MIPOL1: variants seen among roughly 807,000 people sequenced by gnomAD.
MIPOL1 encodes the protein mirror-image polydactyly gene 1 protein.
A neutral mutation model predicts 60.9 loss-of-function variants in MIPOL1; 57 were observed. That is an observed-to-expected ratio of 0.94 (90% confidence interval 0.76 to 1.17). The LOEUF is 1.17. MIPOL1 is among the 50% of genes most tolerant of loss of function. The probability of loss-of-function intolerance (pLI) is 0.00; values close to 1 mark genes in which losing one functional copy is unlikely to be tolerated. For synonymous variants in MIPOL1, 179 were observed against 168.8 expected (o/e 1.06, Z -0.47); for missense variants, 551 against 511.6 (o/e 1.08, Z -0.74).
chr14:37,234,398 C>T (rs1296866671), intron 1 of MIPOL1, among the ~76,000 whole-genome samples: 1 of 149,164 alleles, frequency 6.7e-6, no homozygotes, highest in Non-Finnish European at 1.5e-5. Context: ...GCTGTATTGC[C>T]CTGGCTGGCC....
intron 7 of MIPOL1, among the ~76,000 whole-genome samples, chr14:37,287,954 T>C (rs2084717102): frequency 6.6e-6 from 1 of 151,948 alleles, no homozygotes; most frequent in Non-Finnish European, 1.5e-5. Context: ...ATTGTTTCAA[T>C]TGACAAGATC....
At chr14:37,360,327 G>C (rs2092151669) in intron 9 of MIPOL1, among the ~76,000 whole-genome samples, 1 of 152,122 alleles carries the variant, frequency 6.6e-6, no homozygotes, top group Non-Finnish European at 1.5e-5. Context: ...GGGTGATGTT[G>C]CCTCATAAAA....
At chr14:37,462,622 CA>C (rs2094552904) in intron 11 of MIPOL1, among the ~76,000 whole-genome samples, 1 of 152,166 alleles carries the variant, frequency 6.6e-6, no homozygotes, top group Non-Finnish European at 1.5e-5. Context: ...GCACCCAAGT[CA>C]CCTCTGGAAT....
intron 1 of MIPOL1, among the ~76,000 whole-genome samples, chr14:37,217,685 A>C (rs1299575494): frequency 6.6e-6 from 1 of 152,232 alleles, no homozygotes; most frequent in Non-Finnish European, 1.5e-5. Flanking sequence ...GATAAAATTC[A>C]GCTTCCCTTC....
At chr14:37,278,976 A>G (rs1002367057) in intron 6 of MIPOL1, 1 of 151,672 alleles carries the variant, frequency 6.6e-6, no homozygotes, top group African/African-American at 2.4e-5. Flanking sequence ...TCCTCTCTGA[A>G]TCTTTCTCAT....
At chr14:37,290,156 G>A (rs539251438) in intron 7 of MIPOL1, among the ~76,000 whole-genome samples, 54 of 152,214 alleles carry the variant, frequency 3.5e-4, no homozygotes, top group African/African-American at 1.3e-3. Context: ...TTACTCGCTT[G>A]TCTTCTGACA....
intron 11 of MIPOL1, among the ~76,000 whole-genome samples, chr14:37,441,665 A>G (rs778048352): frequency 1.1e-4 from 17 of 151,828 alleles, no homozygotes; most frequent in Admixed American, 5.9e-4. Flanking sequence ...GTCAAGTAAC[A>G]TAATATACTG....
At chr14:37,402,847 C>T (rs2093511428) in intron 10 of MIPOL1, among the ~76,000 whole-genome samples, 1 of 152,178 alleles carries the variant, frequency 6.6e-6, no homozygotes, top group Admixed American at 6.5e-5. Context: ...GGTTTCACTT[C>T]TCCCTTCCCT....
At chr14:37,291,582 G>T (rs568869579) in intron 7 of MIPOL1, among the ~76,000 whole-genome samples, 1 of 152,016 alleles carries the variant, frequency 6.6e-6, no homozygotes, top group African/African-American at 2.4e-5. Context: ...CCAACCGTGG[G>T]TAGGAAAATT....
chr14:37,241,782 T>G (rs1274948495), intron 1 of MIPOL1, among the ~76,000 whole-genome samples: 3 of 152,192 alleles, frequency 2.0e-5, no homozygotes, highest in Non-Finnish European at 4.4e-5. Flanking sequence ...TTTAGACTCC[T>G]GAATTCTGAG....
At chr14:37,537,764 T>C (rs1372527636) in intron 12 of MIPOL1, among the ~76,000 whole-genome samples, 2 of 152,182 alleles carry the variant, frequency 1.3e-5, no homozygotes, top group African/African-American at 2.4e-5. Flanking sequence ...AGTGAATATA[T>C]ATTGAATGTT....
At chr14:37,458,141 A>T (rs2094498244) in intron 11 of MIPOL1, among the ~76,000 whole-genome samples, 1 of 152,190 alleles carries the variant, frequency 6.6e-6, no homozygotes, top group Non-Finnish European at 1.5e-5. Context: ...TAACTATCCT[A>T]AATATATATG....
intron 10 of MIPOL1, among the ~76,000 whole-genome samples, chr14:37,393,120 A>C (rs1268525927): frequency 6.6e-6 from 1 of 152,084 alleles, no homozygotes; most frequent in Non-Finnish European, 1.5e-5. Flanking sequence ...CAAGCCAAGG[A>C]ATGTGAAAGA....
intron 3 of MIPOL1, among the ~76,000 whole-genome samples, chr14:37,265,815 T>A (rs183813398): frequency 4.5e-4 from 68 of 152,150 alleles, no homozygotes; most frequent in South Asian, 2.3e-3. Flanking sequence ...ACATTTTTTT[T>A]AAATAAATTT....
rs1317462647 is a variant in MIPOL1 at position 37,550,881 on chromosome 14, G to C, written c.*3910G>C. ...TTTTTGAAGAGTTTTTCTTGTGCTT[G>C]CTTCGGCAGCATATATACTGAAATT... On this transcript the variant is annotated 3_prime_UTR_variant, in exon 13 of 13. Transcript: ENST00000684589. 6.6e-6 allele frequency: 1 copy of C among 152,120 alleles called. No individual in the cohort carries two copies. The highest frequency in any genetic ancestry group is 1.5e-5 in the Non-Finnish European group (1 of 67,922). The allele number at this position is 152,120 out of a possible 1,614,324, so 9.4% of individuals were successfully genotyped here. A position where few individuals can be genotyped will look rare whatever the true frequency, so the allele number is the denominator to read the frequency against.
chr14:37,364,997 T>TTCAGA (rs1164458691), intron 9 of MIPOL1, among the ~76,000 whole-genome samples: 1 of 152,174 alleles, frequency 6.6e-6, no homozygotes, highest in East Asian at 1.9e-4. Flanking sequence ...AAATTTCTTT[T>TTCAGA]TCAGATTTTT....
At chr14:37,498,399 T>C (rs2095165463) in intron 11 of MIPOL1, among the ~76,000 whole-genome samples, 1 of 152,166 alleles carries the variant, frequency 6.6e-6, no homozygotes, top group South Asian at 2.1e-4. Context: ...TTTTAGTTTG[T>C]TTCTTCTTTT....
In MIPOL1 at chr14:37,449,811, T is replaced by C. The variant is rs148141994; in HGVS notation, c.1031+26862T>C. On this transcript the variant is annotated intron_variant, in intron 11 of 12. Coordinates refer to ENST00000684589, the MANE Select transcript of MIPOL1 (RefSeq NM_001388067.1). Reference sequence around the variant, plus strand: ...ATTTATTTATTTATTTATTTATTTATTTACTTAATTTATTTTTTTGAGACA... The same window carrying C: ...ATTTATTTATTTATTTATTTATTTACTTACTTAATTTATTTTTTTGAGACA... 5.4e-3 allele frequency among the ~76,000 whole-genome samples: 826 copies of C among 152,030 alleles called. 5 individuals are homozygous for C. Among genetic ancestry groups the C allele is most frequent in the African/African-American group, 0.018 (757 of 41,452 alleles).
At chr14:37,459,774 A>G (rs926954312) in intron 11 of MIPOL1, among the ~76,000 whole-genome samples, 6 of 152,152 alleles carry the variant, frequency 3.9e-5, no homozygotes, top group African/African-American at 1.2e-4. Flanking sequence ...ATCTGCTACA[A>G]AATTTTAGCA....
Sources: gnomAD v4.1 joint callset for allele counts (sites outside exome capture counted in the v4.1 genomes callset) on GRCh38, gnomAD v4.1.1 for gene constraint, MANE v1.5 for transcripts, NCBI Gene and HGNC (gene_info 2026-07-23, HGNC 2026-07-21) for gene names.